The following PTP4A3 variants were observed in gnomAD, a reference collection of about 807,000 sequenced individuals.
PTP4A3 encodes protein tyrosine phosphatase type IVA 3.
PTP4A3 carries 9 observed loss-of-function variants against 15.2 expected under a neutral mutation model. That is an observed-to-expected ratio of 0.59 (90% CI 0.36 to 1.03). PTP4A3 has a LOEUF of 1.03. Among genes scored for constraint, PTP4A3 ranks in the 50% least tolerant of loss-of-function variants. The pLI is 0.02. For synonymous variants in PTP4A3, 95 were observed against 102.0 expected, an observed-to-expected ratio of 0.93 and a Z score of 0.41; for missense variants, 234 against 252.1, an observed-to-expected ratio of 0.93 and a Z score of 0.49.
In PTP4A3 at chr8:141,431,807, C is replaced by G. The variant is rs1214428767; in HGVS notation, c.*763C>G. The G allele has an allele frequency of 6.6e-6, 1 of 152,424 alleles. No individual in the cohort carries two copies. Among genetic ancestry groups the G allele is most frequent in the Non-Finnish European group, 1.5e-5 (1 of 68,180 alleles). The allele number at this position is 152,424 out of a possible 1,614,324, so 9.4% of individuals were successfully genotyped here. ...CGAGGCAGGTCACCAGCACTGTCCT[C>G]TGCAGGATGGGCTGGGATTCATTTG... On this transcript the variant is annotated 3_prime_UTR_variant, in exon 6 of 6. Coordinates refer to ENST00000521578, the MANE Select transcript of PTP4A3 (RefSeq NM_032611.3).
intron 1 of PTP4A3, among the ~76,000 whole-genome samples, chr8:141,411,522 A>G (rs1832868588): frequency 6.6e-6 from 1 of 152,196 alleles, no homozygotes; most frequent in African/African-American, 2.4e-5. Context: ...GCCAGCCCAG[A>G]AATAGCTGTG....
At chr8:141,423,329 G>A (rs1410687688) in intron 2 of PTP4A3, among the ~76,000 whole-genome samples, 1 of 152,240 alleles carries the variant, frequency 6.6e-6, no homozygotes, top group Non-Finnish European at 1.5e-5. Flanking sequence ...TCTACAGAAA[G>A]ATTGGCGAGA....
Position 141,408,393 on chromosome 8 carries a change from C to T in PTP4A3, c.-853-12995C>T, listed in dbSNP as rs541034923. On this transcript the variant is annotated intron_variant, in intron 1 of 5. Transcript: ENST00000521578. Reference sequence around the variant, plus strand: ...CAGCACTTTGGGAGGCCAAGGTGGGCGGATCACCTGAGGTCAGGAGTTTGG... The same window carrying T: ...CAGCACTTTGGGAGGCCAAGGTGGGTGGATCACCTGAGGTCAGGAGTTTGG... 1.3e-4 allele frequency among the ~76,000 whole-genome samples: 20 copies of T among 152,268 alleles called. No homozygotes were observed. In the East Asian group the frequency reaches 2.9e-3, roughly 22 times the overall value.
intron 1 of PTP4A3, among the ~76,000 whole-genome samples, chr8:141,417,390 CGGGCGGTG>C (rs1230346610): frequency 6.6e-6 from 1 of 152,114 alleles, no homozygotes; most frequent in African/African-American, 2.4e-5. Flanking sequence ...GAGGAGTGCC[CGGGCGGTG>C]GGGCTGGTGG....
chr8:141,430,979 C>T lies in PTP4A3; in HGVS notation c.457C>T (p.Arg153Trp), dbSNP rs757440891. The change falls in exon 6 of 6, where the codon CGG becomes TGG. Residue 153 changes from arginine (R) to tryptophan (W), a missense_variant. Arg to Trp is a moderately radical substitution (Grantham distance 101). Transcript: ENST00000521578. ...SKQLTYLEKY[R>W]PKQRLRFKDP... Reference sequence around the variant, plus strand: ...GCAGCTCACCTACCTGGAGAAATACCGGCCCAAACAGAGGCTGCGGTTCAA... The same window carrying T: ...GCAGCTCACCTACCTGGAGAAATACTGGCCCAAACAGAGGCTGCGGTTCAA... The T allele has an allele frequency of 3.1e-6, 5 of 1,613,384 alleles. 1 individual carries two copies. The highest frequency in any genetic ancestry group is 2.2e-5 in the East Asian group (1 of 44,874).
chr8:141,425,180 C>CGGGGGGTGGTGGGGGGGGG lies in PTP4A3; in HGVS notation c.198+40_198+41insGGGGGGTGGTGGGGGGGGG. 1 of 522,622 alleles carries CGGGGGGTGGTGGGGGGGGG rather than the reference C, an allele frequency of 1.9e-6. No individual in the cohort carries two copies. The highest frequency in any genetic ancestry group is 2.0e-5 in the Admixed American group (1 of 49,716). The allele number at this position is 522,622 out of a possible 1,614,324, so 32.4% of individuals were successfully genotyped here. On this transcript the variant is annotated intron_variant, in intron 3 of 5. Transcript: ENST00000521578. This position sits in a 1 kb window ranked among gnomAD's most constrained non-coding sequence, Gnocchi z 4.2. The stretch of plus-strand genomic sequence containing the variant: ...ACGGGGACCCTAGTCACTGCTGCCA[C>CGGGGGGTGGTGGGGGGGGG]CGGGGGAGGGTGGGGCGGGGGGCTC...
chr8:141,431,097 C>A lies in PTP4A3; in HGVS notation c.*53C>A. 1 of 1,555,374 alleles carries A rather than the reference C, an allele frequency of 6.4e-7. No homozygotes were observed. On this transcript the variant is annotated 3_prime_UTR_variant, in exon 6 of 6. Coordinates refer to ENST00000521578, the MANE Select transcript of PTP4A3 (RefSeq NM_032611.3). ...CATGTAGGTCAGGACCTTGGCTGGA[C>A]CTGGAGGCCCTGCCCAGCCCTGCTC... is the stretch of plus-strand genomic sequence containing the variant.
chr8:141,412,581 C>T (rs530035279), intron 1 of PTP4A3, among the ~76,000 whole-genome samples: 13 of 152,332 alleles, frequency 8.5e-5, no homozygotes, highest in East Asian at 1.9e-4. Flanking sequence ...GCCTCTTCTC[C>T]GTGGAGAGGC....
chr8:141,400,975 G>A (rs1397095906), intron 1 of PTP4A3, among the ~76,000 whole-genome samples: 2 of 152,118 alleles, frequency 1.3e-5, no homozygotes. Flanking sequence ...AGTACGGAGG[G>A]AGTCATGCAC....
At position 141,427,786 on chromosome 8, in the gene PTP4A3, C is replaced by T. The variant is rs376005684; in HGVS notation, c.366C>T (p.Ser122=). ...TTGTGGCGCTGGCCCTTATTGAGAG[C>T]GGGATGAAGTACGAGGACGCCATCC... ...PVLVALALIE[S]GMKYEDAIQF... Residue 122 remains serine, a synonymous_variant, in exon 5 of 6, where the codon AGC becomes AGT. Coordinates refer to ENST00000521578, the MANE Select transcript of PTP4A3 (RefSeq NM_032611.3). The T allele has an allele frequency of 1.9e-4, 291 of 1,551,874 alleles. 2 individuals carry two copies. Among genetic ancestry groups the T allele is most frequent in the Middle Eastern group, 1.2e-3 (7 of 5,986 alleles).
At chr8:141,423,574 G>T (rs544084670) in intron 2 of PTP4A3, among the ~76,000 whole-genome samples, 1 of 151,792 alleles carries the variant, frequency 6.6e-6, no homozygotes, top group African/African-American at 2.4e-5. Flanking sequence ...ATGTGACCAA[G>T]GTTGGGACTC....
chr8:141,426,064 C>G (rs556992524), intron 3 of PTP4A3, among the ~76,000 whole-genome samples: 19 of 152,156 alleles, frequency 1.2e-4, no homozygotes, highest in Non-Finnish European at 1.6e-4. Context: ...TGGGGTCAGA[C>G]GTAAGTAGCC....
In PTP4A3 at chr8:141,427,881, T is replaced by A. The variant is rs1833657444; in HGVS notation, c.404+57T>A. On this transcript the variant is annotated intron_variant, in intron 5 of 5. Coordinates refer to ENST00000521578, the MANE Select transcript of PTP4A3 (RefSeq NM_032611.3). Reference sequence around the variant, plus strand: ...AGCGCTGGGGGAGGGGAGATCCGGCTGCCCACGAAGGGTGGCGGCATTGGC... The same window carrying A: ...AGCGCTGGGGGAGGGGAGATCCGGCAGCCCACGAAGGGTGGCGGCATTGGC... The A allele has an allele frequency of 6.1e-6, 9 of 1,480,402 alleles. No homozygotes were observed. In the South Asian group the frequency reaches 1.1e-4, roughly 18 times the overall value. The allele number at this position is 1,480,402 out of a possible 1,614,324, so 91.7% of individuals were successfully genotyped here. A position where few individuals can be genotyped will look rare whatever the true frequency, so the allele number is the denominator to read the frequency against.
chr8:141,407,658 C>T (rs1563727651), intron 1 of PTP4A3, among the ~76,000 whole-genome samples: 1 of 151,506 alleles, frequency 6.6e-6, no homozygotes, highest in Non-Finnish European at 1.5e-5. Flanking sequence ...CCTCCACCTC[C>T]TGGGTTTAAG....
Position 141,406,412 on chromosome 8 carries a change from C to A in PTP4A3, c.-854+14328C>A, listed in dbSNP as rs1329517183. ...CTGGGGTTTCCCCTGGGAAGTCCTG[C>A]CGTCCTCTTTCTGCTGCCACCCAGA... On this transcript the variant is annotated intron_variant, in intron 1 of 5. Coordinates refer to ENST00000521578, the MANE Select transcript of PTP4A3 (RefSeq NM_032611.3). This position sits in a 1 kb window ranked among gnomAD's most constrained non-coding sequence, Gnocchi z 4.5. Among the ~76,000 whole-genome samples the A allele has an allele frequency of 1.3e-5, 2 of 152,052 alleles. No individual in the cohort carries two copies. The highest frequency in any genetic ancestry group is 2.9e-5 in the Non-Finnish European group (2 of 67,990).
chr8:141,428,614 G>A (rs752896532), intron 5 of PTP4A3, among the ~76,000 whole-genome samples: 6 of 151,942 alleles, frequency 3.9e-5, no homozygotes, highest in Admixed American at 6.6e-5. Flanking sequence ...GTGTGAGAGT[G>A]TGGCCCGCCC....
chr8:141,399,924 TGAGACGGA>T (rs1671139769), intron 1 of PTP4A3, among the ~76,000 whole-genome samples: 1 of 152,244 alleles, frequency 6.6e-6, no homozygotes, highest in African/African-American at 2.4e-5. Context: ...TTCTCTTTTT[TGAGACGGA>T]GTCTCACCCT....
intron 1 of PTP4A3, among the ~76,000 whole-genome samples, chr8:141,420,756 G>A (rs1833292812): frequency 1.3e-5 from 2 of 152,238 alleles, no homozygotes; most frequent in South Asian, 4.1e-4. Flanking sequence ...CTGGTGGACA[G>A]GGGGCTGCTG....
At chr8:141,410,202 A>C (rs544572490) in intron 1 of PTP4A3, among the ~76,000 whole-genome samples, 6 of 152,374 alleles carry the variant, frequency 3.9e-5, no homozygotes, top group African/African-American at 9.6e-5. Context: ...GCCCACAGCC[A>C]CACAGACGGG....
Sources: gnomAD v4.1 joint callset for allele counts (sites outside exome capture counted in the v4.1 genomes callset) on GRCh38, gnomAD v4.1.1 for gene constraint, Gnocchi (gnomAD v3.1) non-coding constraint, MANE v1.5 for transcripts, NCBI Gene and HGNC (gene_info 2026-07-23, HGNC 2026-07-21) for gene names.